The following SCHIP1 variants were observed in gnomAD, a reference collection of about 807,000 sequenced individuals.
SCHIP1 encodes schwannomin interacting protein 1.
SCHIP1 carries 8 observed loss-of-function variants against 29.7 expected under a neutral mutation model. That is an observed-to-expected ratio of 0.27 (90% confidence interval 0.16 to 0.49). SCHIP1 has a LOEUF of 0.49. SCHIP1 is among the 20% of genes least tolerant of loss of function. SCHIP1 has a pLI of 0.99. For synonymous variants in SCHIP1, 76 were observed against 94.9 expected (o/e 0.80, Z 1.16); for missense variants, 193 against 294.6 (o/e 0.66, Z 2.52).
the SCHIP1 span, among the ~76,000 whole-genome samples, chr3:159,725,271 CTTTTTTT>C: frequency 5.8e-5 from 8 of 137,002 alleles, no homozygotes; most frequent in South Asian, 2.3e-4. Context: ...TTTCTTTTTT[CTTTTTTT>C]TTTTTTTTTA....
At chr3:159,372,083 T>C in the SCHIP1 span, among the ~76,000 whole-genome samples, 1 of 152,222 alleles carries the variant, frequency 6.6e-6, no homozygotes, top group African/African-American at 2.4e-5. Flanking sequence ...GAAATATTCA[T>C]ATTGGTCAAA....
chr3:159,321,713 G>A, the SCHIP1 span, among the ~76,000 whole-genome samples: 1 of 151,802 alleles, frequency 6.6e-6, no homozygotes, highest in East Asian at 1.9e-4. Flanking sequence ...TATTTGTATT[G>A]GCTTTTAGTT....
the SCHIP1 span, among the ~76,000 whole-genome samples, chr3:159,694,595 A>AGAAG: frequency 7.3e-6 from 1 of 137,404 alleles, no homozygotes; most frequent in African/African-American, 2.7e-5. Context: ...AAAGAAAGAA[A>AGAAG]GAAAGAAAGA....
the SCHIP1 span, among the ~76,000 whole-genome samples, chr3:159,574,380 C>T: frequency 6.6e-6 from 1 of 152,196 alleles, no homozygotes; most frequent in Non-Finnish European, 1.5e-5. Flanking sequence ...AGCTGCAGGT[C>T]TGTTGGAGTT....
the SCHIP1 span, among the ~76,000 whole-genome samples, chr3:159,289,444 G>A: frequency 6.6e-6 from 1 of 151,678 alleles, no homozygotes; most frequent in Non-Finnish European, 1.5e-5. Context: ...TTGCCTTAGA[G>A]GTTTGCGTAT....
At chr3:159,506,713 T>C in the SCHIP1 span, among the ~76,000 whole-genome samples, 1 of 152,250 alleles carries the variant, frequency 6.6e-6, no homozygotes, top group Non-Finnish European at 1.5e-5. Flanking sequence ...GCACCATTTG[T>C]TGAATAGGGA....
the SCHIP1 span, among the ~76,000 whole-genome samples, chr3:159,532,625 G>A: frequency 1.3e-4 from 20 of 152,170 alleles, no homozygotes; most frequent in African/African-American, 4.8e-4. Context: ...AAAACACAAA[G>A]CAACAGATAC....
the SCHIP1 span, among the ~76,000 whole-genome samples, chr3:159,595,485 T>A: frequency 4.6e-5 from 7 of 152,070 alleles, no homozygotes; most frequent in African/African-American, 1.7e-4. Context: ...GGGAAGTAGA[T>A]GACCAAGGCC....
exon 1 of SCHIP1, chr3:159,840,075 C>G: frequency 6.6e-7 from 1 of 1,518,850 alleles, no homozygotes; most frequent in Non-Finnish European, 8.8e-7. Flanking sequence ...GCGGGGAGCC[C>G]CTGCCTTACC....
At chr3:159,639,109 G>A in the SCHIP1 span, among the ~76,000 whole-genome samples, 1 of 152,128 alleles carries the variant, frequency 6.6e-6, no homozygotes, top group South Asian at 2.1e-4. Context: ...TGTTATTTTT[G>A]TGAGAGGCAG....
At chr3:159,345,488 A>G in the SCHIP1 span, among the ~76,000 whole-genome samples, 1 of 152,128 alleles carries the variant, frequency 6.6e-6, no homozygotes, top group Admixed American at 6.5e-5. Context: ...AGGCAGAGCC[A>G]GGAAGGTTCA....
At chr3:159,531,369 C>A in the SCHIP1 span, among the ~76,000 whole-genome samples, 1 of 152,198 alleles carries the variant, frequency 6.6e-6, no homozygotes, top group East Asian at 1.9e-4. Flanking sequence ...AGACTCAAGT[C>A]TCACCTTTTA....
At chr3:159,434,826 CTCT>C in the SCHIP1 span, among the ~76,000 whole-genome samples, 1 of 152,230 alleles carries the variant, frequency 6.6e-6, no homozygotes, top group Admixed American at 6.5e-5. Context: ...GCTACTCTTA[CTCT>C]TCTTGTTTCC....
the SCHIP1 span, among the ~76,000 whole-genome samples, chr3:159,370,987 ATCT>A: frequency 6.6e-6 from 1 of 152,138 alleles, no homozygotes; most frequent in Non-Finnish European, 1.5e-5. Context: ...AATTCTCATA[ATCT>A]TCTTTTAGGT....
the SCHIP1 span, among the ~76,000 whole-genome samples, chr3:159,678,536 T>G: frequency 6.6e-6 from 1 of 152,250 alleles, no homozygotes; most frequent in Non-Finnish European, 1.5e-5. Flanking sequence ...TTTTACAATT[T>G]ACTTATATCT....
At chr3:159,896,423 T>C (rs1167154438) in intron 6 of SCHIP1, among the ~76,000 whole-genome samples, 1 of 152,206 alleles carries the variant, frequency 6.6e-6, no homozygotes, top group Non-Finnish European at 1.5e-5. Context: ...GATAAAAGTA[T>C]CCCAGATGTT....
chr3:159,306,796 C>T, the SCHIP1 span, among the ~76,000 whole-genome samples: 1 of 152,284 alleles, frequency 6.6e-6, no homozygotes, highest in South Asian at 2.1e-4. Context: ...ACATTAAGCT[C>T]AGTGTACAGC....
chr3:159,483,791 T>C, the SCHIP1 span, among the ~76,000 whole-genome samples: 1 of 152,176 alleles, frequency 6.6e-6, no homozygotes, highest in African/African-American at 2.4e-5. Flanking sequence ...TAAATGCATG[T>C]AAATATGTAT....
At chr3:159,444,142 C>A in the SCHIP1 span, among the ~76,000 whole-genome samples, 7 of 152,232 alleles carry the variant, frequency 4.6e-5, no homozygotes, top group East Asian at 1.4e-3. Context: ...AAGTGTACAT[C>A]ACTGAGCAGC....
Sources: gnomAD v4.1 joint callset for allele counts (sites outside exome capture counted in the v4.1 genomes callset) on GRCh38, gnomAD v4.1.1 for gene constraint, MANE v1.5 for transcripts, NCBI Gene and HGNC (gene_info 2026-07-23, HGNC 2026-07-21) for gene names.